The following CUX2 variants were observed in gnomAD, a reference collection of about 807,000 sequenced individuals.
The protein encoded by CUX2 is homeobox protein cut-like 2.
Under a neutral mutation model 144.8 loss-of-function variants are expected in CUX2, and 40 were observed. The observed-to-expected ratio is 0.28, with a 90% confidence interval of 0.21 to 0.36. The LOEUF is 0.36. Ranked by LOEUF, CUX2 falls within the 10% of genes least tolerant of loss-of-function variation. CUX2 has a pLI of 1.00. For missense variants in CUX2, 1,615 were observed against 1,994.0 expected (o/e 0.81, Z 3.62); for synonymous variants, 827 against 875.6 (o/e 0.94, Z 0.98).
chr12:111,340,737 T>C (rs770003378), intron 20 of CUX2, among the ~76,000 whole-genome samples: 1 of 152,260 alleles, frequency 6.6e-6, no homozygotes, highest in Non-Finnish European at 1.5e-5. Context: ...TGCCCTGGCA[T>C]GCTTATAGTG....
At chr12:111,121,375 T>C (rs1173338691) in intron 1 of CUX2, among the ~76,000 whole-genome samples, 187 of 122,638 alleles carry the variant, frequency 1.5e-3, no homozygotes, top group African/African-American at 6.6e-3. Flanking sequence ...TTTTCTTTTT[T>C]TTTTTTTTTT....
At chr12:111,250,632 T>A (rs1883517484) in intron 3 of CUX2, among the ~76,000 whole-genome samples, 1 of 152,204 alleles carries the variant, frequency 6.6e-6, no homozygotes, top group Admixed American at 6.5e-5. Context: ...CACAGGGGGC[T>A]GGTGGCAATT....
At chr12:111,252,957 C>T (rs1229906327) in intron 3 of CUX2, among the ~76,000 whole-genome samples, 2 of 151,830 alleles carry the variant, frequency 1.3e-5, no homozygotes. Context: ...TGGAGTCATC[C>T]GTGGCCCCTC....
At chr12:111,147,578 T>G (rs2136131487) in intron 1 of CUX2, among the ~76,000 whole-genome samples, 1 of 152,218 alleles carries the variant, frequency 6.6e-6, no homozygotes, top group African/African-American at 2.4e-5. Flanking sequence ...GATCCAGCTC[T>G]CATAGGTTGG....
chr12:111,214,721 TC>T (rs1326047615), intron 2 of CUX2, among the ~76,000 whole-genome samples: 4 of 152,188 alleles, frequency 2.6e-5, no homozygotes, highest in African/African-American at 9.7e-5. Context: ...ACTCATCGTC[TC>T]TGAAACTCGG....
Position 111,263,829 on chromosome 12 carries a change from T to C in CUX2, c.291T>C (p.Ile97=). The change falls in exon 4 of 22, where the codon ATT becomes ATC. Residue 97 remains isoleucine (I), a synonymous_variant. Coordinates refer to ENST00000261726, the MANE Select transcript of CUX2 (RefSeq NM_015267.4). This position sits in a 1 kb window ranked among gnomAD's most constrained non-coding sequence, Gnocchi z 4.0. The part of the protein sequence containing the change: ...AAFLSVYKQL[I]EAPDPVPVFE... ...TTCTGAGTGTTTACAAGCAATTAAT[T>C]GAAGCACCAGGTAAGAAATGCTTGG... 6.2e-7 allele frequency: 1 copy of C among 1,613,880 alleles called. No individual in the cohort carries two copies. Among genetic ancestry groups the C allele is most frequent in the Non-Finnish European group, 8.5e-7 (1 of 1,179,776 alleles).
At chr12:111,311,816 T>C (rs1033785501) in intron 15 of CUX2, among the ~76,000 whole-genome samples, 4 of 152,050 alleles carry the variant, frequency 2.6e-5, no homozygotes, top group African/African-American at 2.4e-5. Flanking sequence ...CAGGATAGCC[T>C]CAAACTCCTG....
At chr12:111,196,965 A>T (rs1880279201) in intron 1 of CUX2, among the ~76,000 whole-genome samples, 1 of 152,170 alleles carries the variant, frequency 6.6e-6, no homozygotes, top group South Asian at 2.1e-4. Flanking sequence ...TAGGGGCTGC[A>T]TGTACAGGAA....
chr12:111,189,096 G>A (rs1240410616), intron 1 of CUX2, among the ~76,000 whole-genome samples: 1 of 152,124 alleles, frequency 6.6e-6, no homozygotes, highest in Non-Finnish European at 1.5e-5. Context: ...CCGGGGCAAA[G>A]TGGGGAAACC....
intron 4 of CUX2, among the ~76,000 whole-genome samples, chr12:111,282,157 T>G (rs947527518): frequency 9.2e-5 from 14 of 151,470 alleles, no homozygotes; most frequent in African/African-American, 3.4e-4. Flanking sequence ...CCGTCTCTAC[T>G]AAAAATACAA....
rs1592816106 is a variant in CUX2 at position 111,186,214 on chromosome 12, A to G, written c.64-27986A>G. On this transcript the variant is annotated intron_variant, in intron 1 of 21. Transcript: ENST00000261726. The surrounding 1 kb of genome is among the most constrained non-coding windows in gnomAD (Gnocchi z 4.4). Reference sequence around the variant, plus strand: ...CCTTCTCTCCTTTCCCACATCAGCTATCTAAGGGCTGCCTTAGTTGTCACT... The same window carrying G: ...CCTTCTCTCCTTTCCCACATCAGCTGTCTAAGGGCTGCCTTAGTTGTCACT... 1.3e-5 allele frequency among the ~76,000 whole-genome samples: 2 copies of G among 151,742 alleles called. No individual in the cohort carries two copies. Among genetic ancestry groups the G allele is most frequent in the African/African-American group, 4.8e-5 (2 of 41,280 alleles).
At chr12:111,141,013 T>C (rs1202529435) in intron 1 of CUX2, among the ~76,000 whole-genome samples, 3 of 152,164 alleles carry the variant, frequency 2.0e-5, no homozygotes, top group Admixed American at 2.0e-4. Context: ...GGAGATGTTC[T>C]ATGTGGACCA....
chr12:111,073,200 C>G (rs549199013), intron 1 of CUX2, among the ~76,000 whole-genome samples: 4 of 150,726 alleles, frequency 2.7e-5, no homozygotes, highest in Admixed American at 6.6e-5. Context: ...CACCCACCCC[C>G]CAGGGTGAAC....
At chr12:111,043,089 T>TA (rs1476618744) in intron 1 of CUX2, among the ~76,000 whole-genome samples, 5 of 152,132 alleles carry the variant, frequency 3.3e-5, no homozygotes, top group Admixed American at 6.5e-5. Flanking sequence ...TAATTATATA[T>TA]AAAAAACAAA....
intron 1 of CUX2, among the ~76,000 whole-genome samples, chr12:111,054,432 G>A (rs967043549): frequency 1.3e-5 from 2 of 152,194 alleles, no homozygotes; most frequent in African/African-American, 4.8e-5. Flanking sequence ...CCTCAGTATA[G>A]CCATTCCAGA....
At chr12:111,118,345 A>G (rs1426193161) in intron 1 of CUX2, among the ~76,000 whole-genome samples, 1 of 152,128 alleles carries the variant, frequency 6.6e-6, no homozygotes, top group African/African-American at 2.4e-5. Context: ...TGTATGGTGG[A>G]AATACAACAT....
intron 4 of CUX2, among the ~76,000 whole-genome samples, chr12:111,270,975 A>G (rs985552479): frequency 8.5e-5 from 13 of 152,178 alleles, no homozygotes; most frequent in African/African-American, 3.1e-4. Context: ...GAAGAGGGAT[A>G]GTAATAGAAC....
Position 111,034,338 on chromosome 12 carries a change from G to T in CUX2, c.63+98G>T. ...CCCGGGCGGGCAGGCGGACGCCCTG[G>T]GGCGGCGGGCGGCGGCTGCCGGGGC... On this transcript the variant is annotated intron_variant, in intron 1 of 21. Transcript: ENST00000261726. The surrounding 1 kb of genome is among the most constrained non-coding windows in gnomAD (Gnocchi z 4.2). 1 of 586,418 alleles carries T rather than the reference G, an allele frequency of 1.7e-6. No homozygotes were observed. Among genetic ancestry groups the T allele is most frequent in the Non-Finnish European group, 2.2e-6 (1 of 459,588 alleles). 36.3% of individuals were successfully genotyped at this position (586,418 alleles called of 1,614,324 possible). A position where few individuals can be genotyped will look rare whatever the true frequency, so the allele number is the denominator to read the frequency against.
intron 1 of CUX2, among the ~76,000 whole-genome samples, chr12:111,082,373 T>C (rs1871942316): frequency 6.6e-6 from 1 of 152,198 alleles, no homozygotes; most frequent in Non-Finnish European, 1.5e-5. Context: ...GTGGCCTGAA[T>C]TGGTTTGATT....
Sources: gnomAD v4.1 joint callset for allele counts (sites outside exome capture counted in the v4.1 genomes callset) on GRCh38, gnomAD v4.1.1 for gene constraint, Gnocchi (gnomAD v3.1) non-coding constraint, MANE v1.5 for transcripts, NCBI Gene and HGNC (gene_info 2026-07-23, HGNC 2026-07-21) for gene names.